Variants in WNT9A observed in about 807,000 individuals in gnomAD.
WNT9A encodes protein Wnt-9a.
In WNT9A, 8 loss-of-function variants were observed where a neutral mutation model predicts 31.4. That is an observed-to-expected ratio of 0.26 (90% CI 0.15 to 0.46). The LOEUF (loss-of-function observed/expected upper bound fraction) is 0.46, where lower values mean the gene tolerates loss of function less well. Among genes scored for constraint, WNT9A ranks in the 20% least tolerant of loss-of-function variants. WNT9A has a pLI of 0.99. For missense variants in WNT9A, 457 were observed against 522.9 expected (o/e 0.87, Z 1.23); for synonymous variants, 236 against 220.1 (o/e 1.07, Z -0.64).
At position 227,925,249 on chromosome 1, in the gene WNT9A, C is replaced by A; in HGVS notation, c.352+14G>T. Reference sequence around the variant, plus strand: ...GTCTGGGGCCTTCCTGAGGGCCAGGCCGGCCACACTCACCTCGCTTGAGCA... The same window carrying A: ...GTCTGGGGCCTTCCTGAGGGCCAGGACGGCCACACTCACCTCGCTTGAGCA... On this transcript the variant is annotated intron_variant, in intron 2 of 3. Coordinates refer to ENST00000272164, the MANE Select transcript of WNT9A (RefSeq NM_003395.4). The surrounding 1 kb of genome is among the most constrained non-coding windows in gnomAD (Gnocchi z 6.0). 6.5e-7 allele frequency: 1 copy of A among 1,529,214 alleles called. No individual in the cohort carries two copies. Among genetic ancestry groups the A allele is most frequent in the Non-Finnish European group, 8.8e-7 (1 of 1,135,074 alleles). 94.7% of individuals were successfully genotyped at this position (1,529,214 alleles called of 1,614,324 possible).
chr1:227,944,394 A>G (rs1216903031), intron 1 of WNT9A, among the ~76,000 whole-genome samples: 2 of 152,206 alleles, frequency 1.3e-5, no homozygotes, highest in Admixed American at 6.5e-5. Flanking sequence ...CCTAATGCGT[A>G]TGAGGTTTCT....
At position 227,921,692 on chromosome 1, in the gene WNT9A, G is replaced by C. The variant is rs115133140; in HGVS notation, c.924C>G (p.Thr308=). ...TCTCACGGTGGCACCTACGGCCAGCGGTGCCCGGGGAGAAGCGGCCAGCCA... is the reference window on the plus strand; with the variant it reads ...TCTCACGGTGGCACCTACGGCCAGCCGTGCCCGGGGAGAAGCGGCCAGCCA... ...FCLAGRFSPG[T]AGRRCHREKN... The change falls in exon 4 of 4, where the codon ACC becomes ACG. Residue 308 remains threonine (T), a synonymous_variant. Transcript: ENST00000272164. 6.2e-7 allele frequency: 1 copy of C among 1,612,812 alleles called. No homozygotes were observed. The highest frequency in any genetic ancestry group is 1.7e-5 in the Admixed American group (1 of 59,972).
chr1:227,939,993 G>C (rs887732253), intron 1 of WNT9A, among the ~76,000 whole-genome samples: 5 of 152,218 alleles, frequency 3.3e-5, no homozygotes, highest in Admixed American at 2.6e-4. Flanking sequence ...CATGCCGCAA[G>C]GATGGCACGG....
At chr1:227,947,575 C>CG in intron 1 of WNT9A, among the ~76,000 whole-genome samples, 1 of 151,040 alleles carries the variant, frequency 6.6e-6, no homozygotes, top group Admixed American at 6.6e-5. Flanking sequence ...CGGAGGACCG[C>CG]GGCCCGGCGC....
intron 1 of WNT9A, among the ~76,000 whole-genome samples, chr1:227,945,605 G>A (rs1217862163): frequency 6.6e-6 from 1 of 152,186 alleles, no homozygotes; most frequent in Non-Finnish European, 1.5e-5. Context: ...GCTTTTGAGA[G>A]GGGGAAGGGA....
At chr1:227,930,652 T>C (rs1165394770) in intron 1 of WNT9A, among the ~76,000 whole-genome samples, 1 of 152,256 alleles carries the variant, frequency 6.6e-6, no homozygotes, top group East Asian at 1.9e-4. Context: ...CATTTCAGCA[T>C]GAAGCCTGAC....
intron 3 of WNT9A, among the ~76,000 whole-genome samples, chr1:227,922,920 T>C (rs947356644): frequency 3.3e-5 from 5 of 152,190 alleles, no homozygotes; most frequent in Admixed American, 3.3e-4. Flanking sequence ...TCACATTTAA[T>C]GATGCTTTGC....
rs370630795 is a variant in WNT9A, at chr1:227,921,552, G to A, written c.1064C>T (p.Thr355Met). ...GCAGGTGTAGACCTCCTCACGCTGC[G>A]TGCACTGCCTGCACTCCACATAGCA... ...WCCYVECRQC[T>M]QREEVYTCKG The change falls in exon 4 of 4, where the codon ACG becomes ATG. Residue 355 changes from threonine to methionine, a missense_variant. By Grantham distance (81) the Thr-to-Met change is moderately conservative. Transcript: ENST00000272164. 9.2e-5 allele frequency: 149 copies of A among 1,612,820 alleles called. No individual in the cohort carries two copies. Among genetic ancestry groups the A allele is most frequent in the South Asian group, 1.2e-4 (11 of 91,040 alleles).
Position 227,942,856 on chromosome 1 carries a change from C to A in WNT9A, c.95+4937G>T, listed in dbSNP as rs1313220874. Among the ~76,000 whole-genome samples the A allele has an allele frequency of 6.6e-6, 1 of 152,214 alleles. No individual in the cohort carries two copies. The highest frequency in any genetic ancestry group is 1.5e-5 in the Non-Finnish European group (1 of 68,034). On this transcript the variant is annotated intron_variant, in intron 1 of 3. Transcript: ENST00000272164. This position sits in a 1 kb window ranked among gnomAD's most constrained non-coding sequence, Gnocchi z 5.7. ...GTGCTCAGAGCACCCGACCCAGGCC[C>A]CAGCCATGGGGTCACCCCAGATGCC... is the stretch of plus-strand genomic sequence containing the variant.
chr1:227,930,228 G>C (rs1423901641), intron 1 of WNT9A, among the ~76,000 whole-genome samples: 1 of 152,190 alleles, frequency 6.6e-6, no homozygotes, highest in African/African-American at 2.4e-5. Flanking sequence ...CACCCTATGT[G>C]AATCCATGCC....
intron 1 of WNT9A, among the ~76,000 whole-genome samples, chr1:227,932,022 G>A (rs1666521229): frequency 6.6e-6 from 1 of 152,106 alleles, no homozygotes; most frequent in Non-Finnish European, 1.5e-5. Flanking sequence ...CGCCCAGCCG[G>A]AAATTTCTTA....
At chr1:227,943,911 G>T (rs930793051) in intron 1 of WNT9A, among the ~76,000 whole-genome samples, 4 of 152,164 alleles carry the variant, frequency 2.6e-5, no homozygotes, top group Non-Finnish European at 5.9e-5. Context: ...AGCCTCTGAG[G>T]TGGAGGCAGC....
chr1:227,922,463 C>A (rs1558258168), intron 3 of WNT9A, among the ~76,000 whole-genome samples: 1 of 152,256 alleles, frequency 6.6e-6, no homozygotes, highest in East Asian at 1.9e-4. Context: ...AACCTCCCTA[C>A]CCCTAATATC....
At chr1:227,922,107 C>A in intron 3 of WNT9A, 107 bp from the exon 4 acceptor site, 1 of 1,475,374 alleles carries the variant, frequency 6.8e-7, no homozygotes, top group Non-Finnish European at 8.9e-7. Context: ...CCCACCCAGG[C>A]CCAGGCCCTG....
At chr1:227,947,604 C>T (rs1322867985) in intron 1 of WNT9A, among the ~76,000 whole-genome samples, 189 bp downstream of exon 1, 2 of 151,880 alleles carry the variant, frequency 1.3e-5, no homozygotes, top group African/African-American at 2.4e-5. Context: ...CGGGTCCACC[C>T]GCCTCTCTAG....
Position 227,942,801 on chromosome 1 carries a change from C to T in WNT9A, c.95+4992G>A, listed in dbSNP as rs943992478. On this transcript the variant is annotated intron_variant, in intron 1 of 3. Coordinates refer to ENST00000272164, the MANE Select transcript of WNT9A (RefSeq NM_003395.4). This position sits in a 1 kb window ranked among gnomAD's most constrained non-coding sequence, Gnocchi z 5.7. ...GCCTGCCCAAACCTAAGCCTGAGCT[C>T]TCAGCTGCTCCCAAACCCCCCGGCC... 2.0e-5 allele frequency among the ~76,000 whole-genome samples: 3 copies of T among 152,192 alleles called. No individual in the cohort carries two copies. The highest frequency in any genetic ancestry group is 1.3e-4 in the Admixed American group (2 of 15,282).
At chr1:227,939,871 C>T (rs1007416077) in intron 1 of WNT9A, among the ~76,000 whole-genome samples, 4 of 152,242 alleles carry the variant, frequency 2.6e-5, no homozygotes, top group African/African-American at 7.2e-5. Context: ...CCACCCTCCC[C>T]GTGGTCTGCA....
chr1:227,934,914 A>G (rs1056183677), intron 1 of WNT9A, among the ~76,000 whole-genome samples: 1 of 151,456 alleles, frequency 6.6e-6, no homozygotes, highest in Non-Finnish European at 1.5e-5. Context: ...GTCACCATAG[A>G]CAGCCTGAGT....
chr1:227,947,650 G>C (rs1354561686), intron 1 of WNT9A, 143 bp downstream of exon 1: 3 of 313,980 alleles, frequency 9.6e-6, no homozygotes, highest in African/African-American at 4.5e-5. Flanking sequence ...CGCGCGCGCC[G>C]CAAACAAACA....
Sources: allele counts gnomAD v4.1 joint callset (sites outside exome capture counted in the v4.1 genomes callset), GRCh38; gene constraint gnomAD v4.1.1; non-coding constraint Gnocchi (gnomAD v3.1); transcripts MANE v1.5; gene names NCBI Gene and HGNC (gene_info 2026-07-23, HGNC 2026-07-21).